Variants in CNTNAP4 observed in about 807,000 individuals in gnomAD.
The protein encoded by CNTNAP4 is contactin-associated protein-like 4.
CNTNAP4 carries 98 observed loss-of-function variants against 148.4 expected under a neutral mutation model. The observed-to-expected ratio is 0.66, with a 90% CI of 0.56 to 0.78. The LOEUF is 0.78. Among genes scored for constraint, CNTNAP4 ranks in the 30% least tolerant of loss-of-function variants. The pLI, the probability that CNTNAP4 is intolerant of heterozygous loss-of-function variation, is 0.00. For synonymous variants in CNTNAP4, 730 were observed against 565.1 expected, an observed-to-expected ratio of 1.29 and a Z score of -4.14; for missense variants, 1,935 against 1,565.6, an observed-to-expected ratio of 1.24 and a Z score of -3.98.
chr16:76,456,296 G>A (rs2080728348), intron 8 of CNTNAP4, among the ~76,000 whole-genome samples: 1 of 152,210 alleles, frequency 6.6e-6, no homozygotes, highest in South Asian at 2.1e-4. Flanking sequence ...GAGGTTTCAA[G>A]GAAGTGAAAA....
intron 3 of CNTNAP4, among the ~76,000 whole-genome samples, chr16:76,371,239 G>A (rs977517616): frequency 1.1e-4 from 16 of 152,218 alleles, no homozygotes; most frequent in African/African-American, 3.9e-4. Context: ...CACTGAGGAG[G>A]ACCAGGGTAT....
chr16:76,317,493 A>G (rs1961920126), intron 2 of CNTNAP4, among the ~76,000 whole-genome samples: 1 of 152,224 alleles, frequency 6.6e-6, no homozygotes, highest in South Asian at 2.1e-4. Context: ...TCATCTGCAC[A>G]TGCATTGGAG....
chr16:76,385,903 A>T (rs1047337248), intron 3 of CNTNAP4, among the ~76,000 whole-genome samples: 2 of 152,142 alleles, frequency 1.3e-5, no homozygotes, highest in African/African-American at 2.4e-5. Flanking sequence ...ATAAGGCAGT[A>T]TTTCAGCTCT....
intron 3 of CNTNAP4, among the ~76,000 whole-genome samples, chr16:76,381,751 GATA>G (rs1427419615): frequency 5.3e-5 from 8 of 152,062 alleles, no homozygotes. Context: ...TAAATGGGAG[GATA>G]ATAATTTTTT....
At chr16:76,551,988 T>C (rs938178346) in intron 21 of CNTNAP4, among the ~76,000 whole-genome samples, 3 of 152,144 alleles carry the variant, frequency 2.0e-5, no homozygotes, top group Non-Finnish European at 4.4e-5. Context: ...ACTGGGTAAT[T>C]TATAAAGGAA....
At chr16:76,461,129 G>C (rs1488478118) in intron 8 of CNTNAP4, among the ~76,000 whole-genome samples, 25 of 152,074 alleles carry the variant, frequency 1.6e-4, no homozygotes, top group Non-Finnish European at 1.5e-5. Context: ...CAGCCTTCTT[G>C]CTCTTAGGAA....
At chr16:76,358,555 A>C (rs546782500) in intron 3 of CNTNAP4, among the ~76,000 whole-genome samples, 60 of 152,294 alleles carry the variant, frequency 3.9e-4, no homozygotes, top group African/African-American at 1.4e-3. Flanking sequence ...GGAAGGATTA[A>C]GGAGGCTATT....
At chr16:76,400,156 G>C (rs2078357484) in intron 3 of CNTNAP4, among the ~76,000 whole-genome samples, 4 of 152,132 alleles carry the variant, frequency 2.6e-5, no homozygotes, top group Admixed American at 2.6e-4. Flanking sequence ...TTATGTTATA[G>C]ATGAAGGAGC....
At chr16:76,512,443 G>T (rs1308743024) in intron 15 of CNTNAP4, among the ~76,000 whole-genome samples, 1 of 152,162 alleles carries the variant, frequency 6.6e-6, no homozygotes, top group Non-Finnish European at 1.5e-5. Context: ...AAAATTTCCT[G>T]ATGAATTGTT....
chr16:76,296,141 C>T (rs562085126), intron 1 of CNTNAP4, among the ~76,000 whole-genome samples: 1 of 152,260 alleles, frequency 6.6e-6, no homozygotes, highest in African/African-American at 2.4e-5. Flanking sequence ...TGAGTAAAAT[C>T]TTTCTGAAAT....
At chr16:76,308,696 A>T (rs1435524501) in intron 1 of CNTNAP4, among the ~76,000 whole-genome samples, 1 of 152,262 alleles carries the variant, frequency 6.6e-6, no homozygotes, top group African/African-American at 2.4e-5. Context: ...GCTGTGGGAC[A>T]CAATCATGGG....
chr16:76,458,681 AGCTGTAAATACAGC>A, intron 8 of CNTNAP4, among the ~76,000 whole-genome samples: 1 of 152,196 alleles, frequency 6.6e-6, no homozygotes, highest in African/African-American at 2.4e-5. Context: ...TGATAGGAGC[AGCTGTAAATACAGC>A]TTCACTTGCC....
At chr16:76,538,676 G>T (rs2084323124) in intron 19 of CNTNAP4, among the ~76,000 whole-genome samples, 1 of 151,736 alleles carries the variant, frequency 6.6e-6, no homozygotes, top group South Asian at 2.1e-4. Flanking sequence ...TTGAAATAAG[G>T]TGTCTTGTTG....
chr16:76,500,201 TC>T (rs2082573284), intron 15 of CNTNAP4, among the ~76,000 whole-genome samples: 1 of 151,846 alleles, frequency 6.6e-6, no homozygotes, highest in Non-Finnish European at 1.5e-5. Context: ...CCCACCTCCC[TC>T]CCGGACGGGG....
chr16:76,436,777 A>G (rs944233810), intron 4 of CNTNAP4, among the ~76,000 whole-genome samples: 2 of 152,074 alleles, frequency 1.3e-5, no homozygotes, highest in African/African-American at 4.8e-5. Flanking sequence ...CATGCCAAGG[A>G]CTATCAGTGT....
At chr16:76,427,384 T>G in intron 3 of CNTNAP4, 68 bp from the exon 4 acceptor site, 1 of 1,387,732 alleles carries the variant, frequency 7.2e-7, no homozygotes, top group Non-Finnish European at 9.9e-7. Context: ...CTAATAGACA[T>G]TATAGGTGAC....
At chr16:76,356,575 C>G (rs149789310) in intron 3 of CNTNAP4, among the ~76,000 whole-genome samples, 4 of 152,288 alleles carry the variant, frequency 2.6e-5, no homozygotes, top group African/African-American at 9.6e-5. Context: ...AGACTTCTTT[C>G]TTAGTGCAGA....
chr16:76,474,902 A>G (rs2143603814), intron 10 of CNTNAP4, among the ~76,000 whole-genome samples: 1 of 152,306 alleles, frequency 6.6e-6, no homozygotes, highest in African/African-American at 2.4e-5. Flanking sequence ...AATAATATAC[A>G]TGATTTGGAA....
chr16:76,381,327 T>C (rs2015943510), intron 3 of CNTNAP4, among the ~76,000 whole-genome samples: 1 of 152,136 alleles, frequency 6.6e-6, no homozygotes. Flanking sequence ...CATCACACAG[T>C]AGCCTCCCAG....
Sources: allele counts gnomAD v4.1 joint callset (sites outside exome capture counted in the v4.1 genomes callset), GRCh38; gene constraint gnomAD v4.1.1; transcripts MANE v1.5; gene names NCBI Gene and HGNC (gene_info 2026-07-23, HGNC 2026-07-21).